Variants in MILR1 observed in about 807,000 individuals in gnomAD.
The protein encoded by MILR1 is allergin-1.
Under a neutral mutation model 18.5 loss-of-function variants are expected in MILR1, and 31 were observed. The ratio of observed to expected loss-of-function variants is 1.68; its 90% CI spans 1.26 to 2.26. MILR1 has a LOEUF of 2.26. Among genes scored for constraint, MILR1 ranks in the 30% most tolerant of loss-of-function variants. The pLI is 0.00. For synonymous variants in MILR1, 85 were observed against 56.2 expected, an observed-to-expected ratio of 1.51 and a Z score of -2.30; for missense variants, 257 against 157.4, an observed-to-expected ratio of 1.63 and a Z score of -3.38.
chr17:64,481,198 A>G, the MILR1 span: 6 of 803,638 alleles, frequency 7.5e-6, no homozygotes, highest in Non-Finnish European at 9.0e-6. Context: ...GAGCTACAGC[A>G]TCCTAGGAGC....
At chr17:64,480,015 A>G in the MILR1 span, among the ~76,000 whole-genome samples, 6 of 152,200 alleles carry the variant, frequency 3.9e-5, no homozygotes, top group African/African-American at 1.4e-4. Context: ...CTCTACATAC[A>G]TACTTTCATC....
chr17:64,492,759 T>C, the MILR1 span: 202 of 1,611,754 alleles, frequency 1.3e-4, no homozygotes, highest in Non-Finnish European at 1.6e-4. Flanking sequence ...GAAGCTTCAG[T>C]CTTCTCACCA....
At chr17:64,478,894 T>TA in the MILR1 span, among the ~76,000 whole-genome samples, 12 of 151,278 alleles carry the variant, frequency 7.9e-5, no homozygotes, top group African/African-American at 2.4e-4. Context: ...GACTCTGTCT[T>TA]AAAAAAAAAG....
the MILR1 span, among the ~76,000 whole-genome samples, chr17:64,474,407 C>T: frequency 6.6e-6 from 1 of 152,084 alleles, no homozygotes; most frequent in Non-Finnish European, 1.5e-5. Context: ...CAGGGTCTTG[C>T]TCTGTTGCCC....
the MILR1 span, chr17:64,496,503 T>C: frequency 9.0e-5 from 145 of 1,613,226 alleles, no homozygotes; most frequent in African/African-American, 1.8e-3. Flanking sequence ...TCTTGCAAGA[T>C]TTCGCGTAGA....
intron 9 of MILR1, among the ~76,000 whole-genome samples, 191 bp from the exon 10 acceptor site, chr17:64,468,119 A>G (rs1444032051): frequency 1.3e-5 from 2 of 152,122 alleles, no homozygotes; most frequent in Middle Eastern, 3.4e-3. Context: ...ACAAATGACC[A>G]CAAGTTGGTG....
intron 3 of MILR1, among the ~76,000 whole-genome samples, chr17:64,455,237 A>T (rs1460190207): frequency 4.6e-5 from 7 of 152,122 alleles, no homozygotes; most frequent in African/African-American, 1.7e-4. Context: ...TGTTAGGGTA[A>T]TTACACAGTC....
chr17:64,493,074 A>G, the MILR1 span: 3 of 1,579,586 alleles, frequency 1.9e-6, no homozygotes, highest in South Asian at 2.2e-5. Context: ...AACCCAAATC[A>G]TTTTTGTCAA....
intron 5 of MILR1, among the ~76,000 whole-genome samples, chr17:64,463,755 A>G (rs1045879981): frequency 2.6e-5 from 4 of 151,528 alleles, no homozygotes; most frequent in African/African-American, 9.7e-5. Flanking sequence ...AGCTCACTGT[A>G]ACCTCCCACC....
chr17:64,491,052 T>C, the MILR1 span: 664 of 1,077,958 alleles, frequency 6.2e-4, 7 homozygotes, highest in South Asian at 8.2e-3. Flanking sequence ...AGAATTTAAA[T>C]TGTCCGATAC....
the MILR1 span, among the ~76,000 whole-genome samples, chr17:64,489,018 TTTTC>T: frequency 6.6e-6 from 1 of 151,024 alleles, no homozygotes; most frequent in Non-Finnish European, 1.5e-5. Flanking sequence ...GCTATATATT[TTTTC>T]TTTTTCTTTT....
chr17:64,496,315 A>G, the MILR1 span: 1 of 785,362 alleles, frequency 1.3e-6, no homozygotes, highest in Non-Finnish European at 2.1e-6. Flanking sequence ...TTGCATGGGA[A>G]TACAGGGCCA....
intron 3 of MILR1, among the ~76,000 whole-genome samples, chr17:64,456,108 C>T (rs2037294752): frequency 6.6e-6 from 1 of 151,980 alleles, no homozygotes; most frequent in Non-Finnish European, 1.5e-5. Context: ...TCAGTCCCAA[C>T]TCGGCCATTT....
intron 6 of MILR1, 45 bp downstream of exon 6, chr17:64,465,586 T>C: frequency 6.4e-7 from 1 of 1,560,512 alleles, no homozygotes; most frequent in Non-Finnish European, 8.7e-7. Context: ...CAGGTTTTTG[T>C]CTTTTTATTT....
At position 64,452,604 on chromosome 17, in the gene MILR1, T is replaced by C. The variant is rs1285145570; in HGVS notation, c.105T>C (p.Pro35=). The part of the protein sequence containing the change: ...DCEAMKTNEF[P]SPCLDSKTKV... ...TGTCATTTTGTTTTTCAGAATTCCC[T>C]TCTCCATGTTTGGACTCAAAGACTA... Residue 35 remains proline, a synonymous_variant, in exon 3 of 10, where the codon CCT becomes CCC. Transcript: ENST00000619286. The C allele has an allele frequency of 4.8e-5, 20 of 417,572 alleles. No individual in the cohort carries two copies. The highest frequency in any genetic ancestry group is 1.8e-4 in the East Asian group (5 of 28,552). The allele number at this position is 417,572 out of a possible 1,614,324, so 25.9% of individuals were successfully genotyped here.
the MILR1 span, among the ~76,000 whole-genome samples, chr17:64,488,900 G>A: frequency 0.064 from 9,691 of 151,938 alleles, 580 homozygotes; most frequent in African/African-American, 0.16. Flanking sequence ...CCTGGGAATC[G>A]CGACACTGCA....
At chr17:64,485,457 G>C in the MILR1 span, 1 of 430,228 alleles carries the variant, frequency 2.3e-6, no homozygotes, top group Non-Finnish European at 4.3e-6. Context: ...CAGTGGAAAG[G>C]TTCAGGGGCT....
At chr17:64,474,570 G>C in the MILR1 span, among the ~76,000 whole-genome samples, 5 of 151,544 alleles carry the variant, frequency 3.3e-5, no homozygotes, top group Non-Finnish European at 7.4e-5. Flanking sequence ...TTAGAGATGT[G>C]GTCTATGTTG....
At chr17:64,464,532 A>C (rs1280202057) in intron 5 of MILR1, among the ~76,000 whole-genome samples, 1 of 151,838 alleles carries the variant, frequency 6.6e-6, no homozygotes, top group Non-Finnish European at 1.5e-5. Context: ...GAGCCACTGC[A>C]CCCTGGCCCA....
Sources: gnomAD v4.1 joint callset for allele counts (sites outside exome capture counted in the v4.1 genomes callset) on GRCh38, gnomAD v4.1.1 for gene constraint, MANE v1.5 for transcripts, NCBI Gene and HGNC (gene_info 2026-07-23, HGNC 2026-07-21) for gene names.